The following POLR2B variants were observed in gnomAD, a reference collection of about 807,000 sequenced individuals.
The protein encoded by POLR2B is DNA-directed RNA polymerase II subunit RPB2.
In POLR2B, 57 loss-of-function variants were observed where a neutral mutation model predicts 144.6. That is an observed-to-expected ratio of 0.39 (90% CI 0.32 to 0.49). The LOEUF (loss-of-function observed/expected upper bound fraction) is 0.49. POLR2B is among the 20% of genes least tolerant of loss of function. The probability of loss-of-function intolerance (pLI) is 0.83; values close to 1 mark genes in which losing one functional copy is unlikely to be tolerated. For missense variants in POLR2B, 595 were observed against 1,467.4 expected (o/e 0.41, Z 9.71); for synonymous variants, 442 against 469.8 (o/e 0.94, Z 0.77).
intron 18 of POLR2B, among the ~76,000 whole-genome samples, chr4:57,022,964 T>G (rs1723599351): frequency 6.6e-6 from 1 of 152,172 alleles, no homozygotes; most frequent in Non-Finnish European, 1.5e-5. Flanking sequence ...CCATAGATAC[T>G]CTCTTTTTAA....
chr4:57,004,682 C>G (rs1256996831), intron 7 of POLR2B, among the ~76,000 whole-genome samples: 1 of 152,044 alleles, frequency 6.6e-6, no homozygotes, highest in African/African-American at 2.4e-5. Context: ...AAAAAAGAAA[C>G]GCACCACTCT....
intron 16 of POLR2B, among the ~76,000 whole-genome samples, chr4:57,019,884 T>C (rs1341194666): frequency 6.6e-6 from 1 of 151,972 alleles, no homozygotes; most frequent in East Asian, 1.9e-4. Flanking sequence ...TTCTTTAGTT[T>C]CCTTAATCTA....
chr4:57,021,062 G>C (rs534750481), intron 17 of POLR2B, 67 bp downstream of exon 17: 16 of 901,770 alleles, frequency 1.8e-5, no homozygotes, highest in Non-Finnish European at 2.4e-5. Context: ...TGCAAAAAAA[G>C]TTCTTAAAAT....
At chr4:57,011,752 G>A (rs1011677539) in intron 13 of POLR2B, among the ~76,000 whole-genome samples, 2 of 152,124 alleles carry the variant, frequency 1.3e-5, no homozygotes, top group African/African-American at 4.8e-5. Flanking sequence ...GAACCCAGGA[G>A]GCGGAGGTTG....
intron 24 of POLR2B, 56 bp downstream of exon 24, chr4:57,030,455 T>C: frequency 7.5e-7 from 1 of 1,328,066 alleles, no homozygotes; most frequent in African/African-American, 1.5e-5. Flanking sequence ...TGTGTTGGTC[T>C]GATTATCCAG....
intron 13 of POLR2B, among the ~76,000 whole-genome samples, chr4:57,012,933 C>G (rs953545676): frequency 6.6e-6 from 1 of 152,058 alleles, no homozygotes; most frequent in Non-Finnish European, 1.5e-5. Context: ...GTCTGCCTCC[C>G]GGGTTCAAGC....
chr4:56,990,735 A>T lies in POLR2B; in HGVS notation c.93-13A>T, dbSNP rs757638128. 7 of 1,595,650 alleles carry T rather than the reference A, an allele frequency of 4.4e-6. No individual in the cohort carries two copies. Among genetic ancestry groups the T allele is most frequent in the Non-Finnish European group, 5.1e-6 (6 of 1,172,278 alleles). ...ACTGAGTTGCAACTGACTGAACTCA[A>T]ATATTTTCCCAGTTCCTATTTTGAC... On this transcript the variant is annotated splice_polypyrimidine_tract_variant and intron_variant, in intron 2 of 24. Transcript: ENST00000314595.
chr4:57,006,699 C>T, intron 9 of POLR2B, 117 bp from the exon 10 acceptor site: 1 of 735,928 alleles, frequency 1.4e-6, no homozygotes, highest in Non-Finnish European at 2.3e-6. Context: ...ACAACTTTCA[C>T]TCTGCCCAAA....
In POLR2B at chr4:57,024,812, C is replaced by T. The variant is rs1578593658; in HGVS notation, c.2965-74C>T. 3 of 718,052 alleles carry T rather than the reference C, an allele frequency of 4.2e-6. No individual in the cohort carries two copies. The East Asian group carries it at 8.1e-5, about 19-fold the overall frequency. The allele number at this position is 718,052 out of a possible 1,614,324, so 44.5% of individuals were successfully genotyped here. On this transcript the variant is annotated intron_variant, in intron 21 of 24. Coordinates refer to ENST00000314595, the MANE Select transcript of POLR2B (RefSeq NM_000938.3). Reference sequence around the variant, plus strand: ...AAAGTATTTAAAAATTTTTTGAATGCATTTTTATTGATATGACTTTTAGGG... The same window carrying T: ...AAAGTATTTAAAAATTTTTTGAATGTATTTTTATTGATATGACTTTTAGGG...
chr4:57,000,504 T>G (rs192757790), intron 7 of POLR2B, among the ~76,000 whole-genome samples: 1 of 152,316 alleles, frequency 6.6e-6, no homozygotes, highest in East Asian at 1.9e-4. Context: ...GTTGTTACTT[T>G]TGTCACATTT....
intron 7 of POLR2B, among the ~76,000 whole-genome samples, chr4:57,004,830 A>G (rs1722968476): frequency 6.6e-6 from 1 of 152,138 alleles, no homozygotes; most frequent in Non-Finnish European, 1.5e-5. Flanking sequence ...GACTACAGGC[A>G]TGTGCCACTG....
chr4:57,006,431 A>G (rs1287372972), intron 9 of POLR2B, among the ~76,000 whole-genome samples: 1 of 152,132 alleles, frequency 6.6e-6, no homozygotes, highest in African/African-American at 2.4e-5. Flanking sequence ...CAGCCTCCCA[A>G]GTAGCTGGGA....
chr4:57,025,552 A>C lies in POLR2B; in HGVS notation c.3239+15A>C. The C allele has an allele frequency of 6.6e-7, 1 of 1,514,772 alleles. No homozygotes were observed. The highest frequency in any genetic ancestry group is 9.1e-7 in the Non-Finnish European group (1 of 1,095,364). The allele number at this position is 1,514,772 out of a possible 1,614,324, so 93.8% of individuals were successfully genotyped here. On this transcript the variant is annotated intron_variant, in intron 23 of 24. Coordinates refer to ENST00000314595, the MANE Select transcript of POLR2B (RefSeq NM_000938.3). ...GGTAGATCTCGGTAAGAACTGTATC[A>C]TCATCATTATTATTAATTAACCTTA...
intron 13 of POLR2B, 64 bp from the exon 14 acceptor site, chr4:57,015,438 A>T: frequency 1.2e-6 from 1 of 850,218 alleles, no homozygotes; most frequent in Non-Finnish European, 1.7e-6. Context: ...TTGTATTTTT[A>T]ACTAAGCCTA....
At chr4:57,021,299 C>A (rs1367741769) in intron 17 of POLR2B, among the ~76,000 whole-genome samples, 1 of 152,004 alleles carries the variant, frequency 6.6e-6, no homozygotes, top group Admixed American at 6.6e-5. Flanking sequence ...AGTGTGTTTT[C>A]TTTTCGCTCT....
chr4:57,025,329 C>T (rs370209979), intron 22 of POLR2B, 48 bp from the exon 23 acceptor site: 89 of 1,362,780 alleles, frequency 6.5e-5, no homozygotes, highest in Middle Eastern at 1.8e-4. Flanking sequence ...TCTTCTTTGA[C>T]GTTGTTTAAT....
At position 56,999,663 on chromosome 4, in the gene POLR2B, C is replaced by T; in HGVS notation, c.782C>T (p.Pro261Leu). ...AIGQRIVATL[P>L]YIKQEVPIII... Reference sequence around the variant, plus strand: ...GGTCAGCGCATTGTGGCAACTCTACCATATATCAAGCAAGAAGTTCCCATC... The same window carrying T: ...GGTCAGCGCATTGTGGCAACTCTACTATATATCAAGCAAGAAGTTCCCATC... The change falls in exon 7 of 25, where the codon CCA (proline) becomes CTA (leucine). Residue 261 changes from proline to leucine, a missense_variant. By Grantham distance (98) the Pro-to-Leu change is moderately conservative. Coordinates refer to ENST00000314595, the MANE Select transcript of POLR2B (RefSeq NM_000938.3). The T allele has an allele frequency of 6.2e-7, 1 of 1,612,320 alleles. No homozygotes were observed. Among genetic ancestry groups the T allele is most frequent in the Non-Finnish European group, 8.5e-7 (1 of 1,178,500 alleles).
chr4:57,021,059 A>T (rs1449549385), intron 17 of POLR2B, 64 bp downstream of exon 17: 4 of 900,162 alleles, frequency 4.4e-6, no homozygotes, highest in Non-Finnish European at 7.5e-6. Context: ...TTATGCAAAA[A>T]AAGTTCTTAA....
At chr4:57,016,858 AC>A (rs1397589323) in intron 14 of POLR2B, among the ~76,000 whole-genome samples, 184 bp from the exon 15 acceptor site, 1 of 148,676 alleles carries the variant, frequency 6.7e-6, no homozygotes, top group Non-Finnish European at 1.5e-5. Flanking sequence ...TCACTTGTCA[AC>A]AATCATGTAA....
Sources: allele counts gnomAD v4.1 joint callset (sites outside exome capture counted in the v4.1 genomes callset), GRCh38; gene constraint gnomAD v4.1.1; transcripts MANE v1.5; gene names NCBI Gene and HGNC (gene_info 2026-07-23, HGNC 2026-07-21).